Variants in NFIB observed in about 807,000 individuals in gnomAD.
NFIB encodes nuclear factor 1 B-type.
A neutral mutation model predicts 61.5 loss-of-function variants in NFIB; 11 were observed. The ratio of observed to expected loss-of-function variants is 0.18; its 90% confidence interval spans 0.11 to 0.30. NFIB has a LOEUF of 0.30. Among genes scored for constraint, NFIB ranks in the 10% least tolerant of loss-of-function variants. The pLI, the probability that NFIB is intolerant of heterozygous loss-of-function variation, is 1.00. For synonymous variants in NFIB, 260 were observed against 216.5 expected (o/e 1.20, Z -1.76); for missense variants, 471 against 608.9 (o/e 0.77, Z 2.38).
At chr9:14,246,799 G>A (rs902705435) in intron 2 of NFIB, among the ~76,000 whole-genome samples, 1 of 152,168 alleles carries the variant, frequency 6.6e-6, no homozygotes, top group Non-Finnish European at 1.5e-5. Context: ...GCTATTGACT[G>A]AACTGTGTCC....
chr9:14,091,699 G>T (rs1312328271), intron 10 of NFIB, among the ~76,000 whole-genome samples: 1 of 151,838 alleles, frequency 6.6e-6, no homozygotes, highest in East Asian at 1.9e-4. Flanking sequence ...ATTTGTTTAG[G>T]CAAAGAGAAG....
intron 3 of NFIB, among the ~76,000 whole-genome samples, chr9:14,160,640 T>C (rs1225290878): frequency 6.6e-6 from 1 of 151,954 alleles, no homozygotes; most frequent in African/African-American, 2.4e-5. Flanking sequence ...ATAACCAATA[T>C]ATTCCCAACA....
chr9:14,162,757 C>G (rs1295245379), intron 3 of NFIB, among the ~76,000 whole-genome samples: 1 of 152,100 alleles, frequency 6.6e-6, no homozygotes, highest in South Asian at 2.1e-4. Flanking sequence ...GAATACTATT[C>G]TACTTTTGCT....
intron 10 of NFIB, among the ~76,000 whole-genome samples, chr9:14,100,452 T>C (rs764207989): frequency 1.3e-5 from 2 of 152,198 alleles, no homozygotes; most frequent in Non-Finnish European, 2.9e-5. Context: ...CTCACGCCTG[T>C]AATCCCAGCA....
the NFIB span, among the ~76,000 whole-genome samples, chr9:14,412,590 G>T: frequency 2.0e-5 from 3 of 152,084 alleles, no homozygotes; most frequent in African/African-American, 7.2e-5. Flanking sequence ...TCTTCTCATC[G>T]GTTGTAGGGC....
upstream of NFIB, among the ~76,000 whole-genome samples, chr9:14,402,141 C>T (rs1028534225): frequency 6.6e-6 from 1 of 152,176 alleles, no homozygotes; most frequent in African/African-American, 2.4e-5. Context: ...AAGAGACATA[C>T]TGATCACACA....
intron 2 of NFIB, among the ~76,000 whole-genome samples, chr9:14,287,050 C>G (rs1238116053): frequency 6.6e-6 from 1 of 152,110 alleles, no homozygotes; most frequent in African/African-American, 2.4e-5. Context: ...TGGGGAAGTA[C>G]AGAGGAACTG....
chr9:14,454,013 G>A, the NFIB span, among the ~76,000 whole-genome samples: 2 of 152,064 alleles, frequency 1.3e-5, no homozygotes, highest in African/African-American at 4.8e-5. Context: ...GGGAGGCAAT[G>A]AGCCGAGATC....
chr9:14,174,988 TG>T (rs2046000728), intron 3 of NFIB, among the ~76,000 whole-genome samples: 1 of 151,976 alleles, frequency 6.6e-6, no homozygotes, highest in Non-Finnish European at 1.5e-5. Context: ...TCGGCTCTAG[TG>T]ATCTCAACAG....
intron 6 of NFIB, among the ~76,000 whole-genome samples, chr9:14,133,794 C>T (rs902644040): frequency 6.6e-6 from 1 of 152,144 alleles, no homozygotes; most frequent in Non-Finnish European, 1.5e-5. Flanking sequence ...CTTAAGATCC[C>T]AGTCCAAAGC....
the NFIB span, among the ~76,000 whole-genome samples, chr9:14,454,558 C>T: frequency 6.6e-6 from 1 of 152,064 alleles, no homozygotes. Context: ...GTTTTCTTAC[C>T]ATTTTCTCTT....
intron 2 of NFIB, among the ~76,000 whole-genome samples, chr9:14,233,353 C>G (rs2053402282): frequency 1.3e-5 from 2 of 151,040 alleles, no homozygotes; most frequent in African/African-American, 4.9e-5. Context: ...GGAAAAACAT[C>G]TAACAATTTA....
chr9:14,161,630 T>C (rs1240885593), intron 3 of NFIB, among the ~76,000 whole-genome samples: 5 of 152,124 alleles, frequency 3.3e-5, no homozygotes, highest in African/African-American at 1.2e-4. Context: ...TTTATGACTA[T>C]ATATTGCATG....
chr9:14,427,937 G>GTTTTT, the NFIB span, among the ~76,000 whole-genome samples: 3,700 of 43,144 alleles, frequency 0.086, 1,289 homozygotes, highest in Non-Finnish European at 0.12. Flanking sequence ...TAATTCAGTT[G>GTTTTT]TTTTTTTTTT....
At chr9:14,382,252 G>A (rs1245316572) in intron 1 of NFIB, among the ~76,000 whole-genome samples, 2 of 152,162 alleles carry the variant, frequency 1.3e-5, no homozygotes, top group East Asian at 1.9e-4. Context: ...GCTTCTTGAC[G>A]AGTGGATGAA....
the NFIB span, among the ~76,000 whole-genome samples, chr9:14,529,206 G>C: frequency 6.6e-6 from 1 of 152,106 alleles, no homozygotes; most frequent in Non-Finnish European, 1.5e-5. Flanking sequence ...TGTAGAATTG[G>C]ACAACTACGT....
Position 14,113,037 on chromosome 9 carries a change from G to T in NFIB, c.1429C>A (p.Leu477Ile). The T allele has an allele frequency of 6.5e-7, 1 of 1,550,380 alleles. No homozygotes were observed. Among genetic ancestry groups the T allele is most frequent in the Non-Finnish European group, 8.7e-7 (1 of 1,146,866 alleles). Residue 477 changes from leucine (L) to isoleucine (I), a missense_variant, in exon 10 of 11, where the codon CTA (leucine) becomes ATA (isoleucine). Leu to Ile is a conservative substitution (Grantham distance 5). Transcript: ENST00000380953. ...AGGAAGGATGGGTCTCTTGGGCTTA[G>T]TCCCACATATCGATTGGCTTGAGAT... is the stretch of plus-strand genomic sequence containing the variant. ...GTSQANRYVG[L>I]SPRDPSFLHQ...
At chr9:14,164,097 G>A (rs1355804074) in intron 3 of NFIB, among the ~76,000 whole-genome samples, 1 of 150,342 alleles carries the variant, frequency 6.7e-6, no homozygotes, top group Non-Finnish European at 1.5e-5. Context: ...CATAAAAGCT[G>A]AAATTAACAG....
intron 1 of NFIB, among the ~76,000 whole-genome samples, chr9:14,368,848 C>A (rs1168448489): frequency 6.6e-6 from 1 of 152,056 alleles, no homozygotes; most frequent in Non-Finnish European, 1.5e-5. Context: ...GTCAGATGAC[C>A]CTTATTGTTC....
Sources: allele counts gnomAD v4.1 joint callset (sites outside exome capture counted in the v4.1 genomes callset), GRCh38; gene constraint gnomAD v4.1.1; transcripts MANE v1.5; gene names NCBI Gene and HGNC (gene_info 2026-07-23, HGNC 2026-07-21).